The following IPMK variants were observed in gnomAD, a reference collection of about 807,000 sequenced individuals.
The protein encoded by IPMK is inositol polyphosphate multikinase.
IPMK carries 17 observed loss-of-function variants against 45.8 expected under a neutral mutation model. The observed-to-expected ratio is 0.37, with a 90% confidence interval of 0.25 to 0.56. IPMK has a LOEUF of 0.56. Ranked by LOEUF, IPMK falls within the 20% of genes least tolerant of loss-of-function variation. The pLI is 0.79. For missense variants in IPMK, 399 were observed against 498.0 expected (o/e 0.80, Z 1.89); for synonymous variants, 180 against 184.3 (o/e 0.98, Z 0.19).
intron 1 of IPMK, among the ~76,000 whole-genome samples, chr10:58,265,927 C>T (rs1209392757): frequency 1.3e-5 from 2 of 152,054 alleles, no homozygotes; most frequent in Non-Finnish European, 2.9e-5. Flanking sequence ...CTCTAGGGAC[C>T]TTTAGGGAAA....
At chr10:58,254,514 A>G (rs984315946) in intron 1 of IPMK, among the ~76,000 whole-genome samples, 2 of 152,080 alleles carry the variant, frequency 1.3e-5, no homozygotes, top group African/African-American at 2.4e-5. Context: ...ATTCTAAATT[A>G]TCTTTCAAAA....
At chr10:58,259,671 T>TG in intron 1 of IPMK, among the ~76,000 whole-genome samples, 1 of 86,768 alleles carries the variant, frequency 1.2e-5, no homozygotes, top group East Asian at 4.5e-4. Context: ...CATCTCTACA[T>TG]AAAAAAAAAA....
At chr10:58,250,718 TAGG>T (rs769065564) in intron 1 of IPMK, among the ~76,000 whole-genome samples, 1 of 152,200 alleles carries the variant, frequency 6.6e-6, no homozygotes, top group African/African-American at 2.4e-5. Flanking sequence ...TCCACTCAAA[TAGG>T]AGTAGTGAAA....
chr10:58,235,063 A>G (rs1349847950), intron 2 of IPMK, among the ~76,000 whole-genome samples: 1 of 152,278 alleles, frequency 6.6e-6, no homozygotes, highest in Non-Finnish European at 1.5e-5. Flanking sequence ...GACACATGAA[A>G]AAATGCTCAT....
intron 3 of IPMK, among the ~76,000 whole-genome samples, chr10:58,220,393 A>C (rs1420107042): frequency 6.6e-6 from 1 of 152,162 alleles, no homozygotes; most frequent in African/African-American, 2.4e-5. Context: ...ATCATGTTCA[A>C]GTTCATTTCC....
intron 3 of IPMK, among the ~76,000 whole-genome samples, chr10:58,225,512 G>C (rs1838399983): frequency 6.6e-6 from 1 of 151,982 alleles, no homozygotes; most frequent in South Asian, 2.1e-4. Context: ...AACTAAAAAG[G>C]CTATCTTTAA....
chr10:58,206,366 G>C (rs540215600), intron 4 of IPMK, among the ~76,000 whole-genome samples: 1 of 152,302 alleles, frequency 6.6e-6, no homozygotes, highest in East Asian at 1.9e-4. Context: ...AAAAAATACT[G>C]TAAGTTGAAT....
In IPMK at chr10:58,192,926, A is replaced by ATTATAATGTTTATAATGT. The variant is rs1477965438; in HGVS notation, c.*3149_*3150insACATTATAAACATTATAA. 5.3e-5 allele frequency: 8 copies of ATTATAATGTTTATAATGT among 152,072 alleles called. No homozygotes were observed. Among genetic ancestry groups the ATTATAATGTTTATAATGT allele is most frequent in the Non-Finnish European group, 1.0e-4 (7 of 67,906 alleles). The allele number at this position is 152,072 out of a possible 1,614,324, so 9.4% of individuals were successfully genotyped here. A position where few individuals can be genotyped will look rare whatever the true frequency, so the allele number is the denominator to read the frequency against. On this transcript the variant is annotated 3_prime_UTR_variant, in exon 6 of 6. Coordinates refer to ENST00000373935, the MANE Select transcript of IPMK (RefSeq NM_152230.5). ...AAGGCACTGGAGAAAGAAGGTAAGCATTATAAACAATTTTTAAAGCAAAAC... is the reference window on the plus strand; with the variant it reads ...AAGGCACTGGAGAAAGAAGGTAAGCATTATAATGTTTATAATGTTTATAAACAATTTTTAAAGCAAAAC...
intron 4 of IPMK, among the ~76,000 whole-genome samples, chr10:58,211,919 A>AATAAAATAAAAT (rs1554823052): frequency 6.7e-6 from 1 of 148,188 alleles, no homozygotes; most frequent in African/African-American, 2.6e-5. Flanking sequence ...AAAAAAAAAA[A>AATAAAATAAAAT]AAAAAATTTG....
chr10:58,200,411 G>A (rs1312903695), intron 4 of IPMK, among the ~76,000 whole-genome samples: 2 of 151,994 alleles, frequency 1.3e-5, no homozygotes, highest in African/African-American at 4.8e-5. Flanking sequence ...AAGCCACCAC[G>A]CCCGGCCTCA....
chr10:58,232,537 T>C (rs1048759220), intron 2 of IPMK, among the ~76,000 whole-genome samples: 1 of 152,050 alleles, frequency 6.6e-6, no homozygotes, highest in African/African-American at 2.4e-5. Context: ...CACTCAAAAC[T>C]GCACAACTAC....
intron 2 of IPMK, among the ~76,000 whole-genome samples, chr10:58,228,556 C>T (rs751028665): frequency 1.7e-4 from 26 of 152,246 alleles, no homozygotes; most frequent in African/African-American, 3.1e-4. Flanking sequence ...TTTTTTGAGA[C>T]GGAGTCTCGC....
At chr10:58,262,261 T>C (rs564914380) in intron 1 of IPMK, among the ~76,000 whole-genome samples, 1 of 152,304 alleles carries the variant, frequency 6.6e-6, no homozygotes, top group Admixed American at 6.5e-5. Context: ...TAAAAAAATC[T>C]CATCCTGAAT....
intron 1 of IPMK, among the ~76,000 whole-genome samples, chr10:58,254,183 C>G (rs1838929043): frequency 6.6e-6 from 1 of 152,052 alleles, no homozygotes; most frequent in African/African-American, 2.4e-5. Flanking sequence ...AGGTTGCTTC[C>G]CTTATTGATG....
At chr10:58,210,669 G>T (rs61875332) in intron 4 of IPMK, among the ~76,000 whole-genome samples, 5,839 of 152,138 alleles carry the variant, frequency 0.038, 177 homozygotes, top group East Asian at 0.14. Context: ...TACATTTTAC[G>T]TGGCCCCCTA....
At chr10:58,208,514 T>C (rs1588953409) in intron 4 of IPMK, among the ~76,000 whole-genome samples, 1 of 152,328 alleles carries the variant, frequency 6.6e-6, no homozygotes, top group East Asian at 1.9e-4. Flanking sequence ...TTATTTACTT[T>C]TTCTCTCTCT....
chr10:58,192,935 A>G lies in IPMK; in HGVS notation c.*3141T>C, dbSNP rs1433839178. 6.6e-6 allele frequency: 1 copy of G among 152,030 alleles called. No homozygotes were observed. Among genetic ancestry groups the G allele is most frequent in the Non-Finnish European group, 1.5e-5 (1 of 67,896 alleles). The allele number at this position is 152,030 out of a possible 1,614,324, so 9.4% of individuals were successfully genotyped here. A position where few individuals can be genotyped will look rare whatever the true frequency, so the allele number is the denominator to read the frequency against. Reference sequence around the variant, plus strand: ...GAGAAAGAAGGTAAGCATTATAAACAATTTTTAAAGCAAAACAAGTTTTAA... The same window carrying G: ...GAGAAAGAAGGTAAGCATTATAAACGATTTTTAAAGCAAAACAAGTTTTAA... On this transcript the variant is annotated 3_prime_UTR_variant, in exon 6 of 6. Coordinates refer to ENST00000373935, the MANE Select transcript of IPMK (RefSeq NM_152230.5).
intron 1 of IPMK, among the ~76,000 whole-genome samples, chr10:58,239,681 G>A (rs950781041): frequency 1.3e-5 from 2 of 152,194 alleles, no homozygotes; most frequent in Non-Finnish European, 2.9e-5. Context: ...TGAGAAGACA[G>A]AAGGTGGTAA....
rs1839176065 is a variant in IPMK at position 58,267,753 on chromosome 10, G to A, written c.-142C>T. Reference sequence around the variant, plus strand: ...CCGCGGCTGGTGCCCTCTGAAGCGCGGGGAGGGGGCCCATGACGCCGCCGG... The same window carrying A: ...CCGCGGCTGGTGCCCTCTGAAGCGCAGGGAGGGGGCCCATGACGCCGCCGG... On this transcript the variant is annotated 5_prime_UTR_variant, in exon 1 of 6. Transcript: ENST00000373935. 1.7e-6 allele frequency: 1 copy of A among 586,450 alleles called. No individual in the cohort carries two copies. Among genetic ancestry groups the A allele is most frequent in the African/African-American group, 2.0e-5 (1 of 51,042 alleles). 36.3% of individuals were successfully genotyped at this position (586,450 alleles called of 1,614,324 possible). A position where few individuals can be genotyped will look rare whatever the true frequency, so the allele number is the denominator to read the frequency against.
Sources: gnomAD v4.1 joint callset for allele counts (sites outside exome capture counted in the v4.1 genomes callset) on GRCh38, gnomAD v4.1.1 for gene constraint, MANE v1.5 for transcripts, NCBI Gene and HGNC (gene_info 2026-07-23, HGNC 2026-07-21) for gene names.